MYH15: variants seen among roughly 807,000 people sequenced by gnomAD.
The protein encoded by MYH15 is myosin-15.
A neutral mutation model predicts 240.5 loss-of-function variants in MYH15; 227 were observed. That is an observed-to-expected ratio of 0.94 (90% CI 0.85 to 1.05). MYH15 has a LOEUF of 1.05. Ranked by LOEUF, MYH15 falls within the 50% of genes least tolerant of loss-of-function variation. MYH15 has a pLI of 0.00. For missense variants in MYH15, 2,217 were observed against 2,247.5 expected (o/e 0.99, Z 0.27); for synonymous variants, 785 against 796.7 (o/e 0.99, Z 0.25).
intron 31 of MYH15, 51 bp from the exon 32 acceptor site, chr3:108,408,455 A>C (rs963562480): frequency 9.8e-6 from 15 of 1,537,340 alleles, no homozygotes; most frequent in Non-Finnish European, 1.3e-5. Context: ...TCAGTCTCAA[A>C]CCAATGATAC....
intron 18 of MYH15, among the ~76,000 whole-genome samples, chr3:108,458,207 C>A (rs1453460956): frequency 1.3e-5 from 2 of 152,028 alleles, no homozygotes; most frequent in Non-Finnish European, 2.9e-5. Context: ...AGAAAAAAAC[C>A]AAACCTGCTG....
intron 36 of MYH15, among the ~76,000 whole-genome samples, chr3:108,393,830 A>T (rs560741860): frequency 6.6e-6 from 1 of 152,342 alleles, no homozygotes; most frequent in South Asian, 2.1e-4. Flanking sequence ...CCTTTTCATC[A>T]CCAGGGTATG....
At chr3:108,492,396 C>A (rs963024518) in intron 9 of MYH15, 104 bp downstream of exon 9, 2 of 703,230 alleles carry the variant, frequency 2.8e-6, no homozygotes, top group Admixed American at 2.7e-5. Context: ...ATACTGAGGT[C>A]TAAATAGGCT....
At chr3:108,478,235 C>T (rs1289036778) in intron 11 of MYH15, among the ~76,000 whole-genome samples, 1 of 152,060 alleles carries the variant, frequency 6.6e-6, no homozygotes, top group East Asian at 1.9e-4. Flanking sequence ...GTTTACAAGG[C>T]TTAAAATGTT....
intron 1 of MYH15, among the ~76,000 whole-genome samples, chr3:108,525,790 T>C (rs2083661810): frequency 6.6e-6 from 1 of 152,124 alleles, no homozygotes; most frequent in Admixed American, 6.6e-5. Context: ...ATCTGCTGTT[T>C]GGACCCGAGC....
At chr3:108,388,008 A>T (rs1283251015) in intron 38 of MYH15, among the ~76,000 whole-genome samples, 1 of 152,174 alleles carries the variant, frequency 6.6e-6, no homozygotes, top group African/African-American at 2.4e-5. Flanking sequence ...ATTGTCAAAG[A>T]AGCTGTAAAA....
intron 12 of MYH15, among the ~76,000 whole-genome samples, chr3:108,473,304 C>T (rs1285923753): frequency 6.6e-6 from 1 of 152,154 alleles, no homozygotes; most frequent in African/African-American, 2.4e-5. Context: ...CCACCGTGCC[C>T]AGCCAAAATT....
upstream of MYH15, among the ~76,000 whole-genome samples, chr3:108,530,819 C>A (rs901990432): frequency 3.3e-5 from 5 of 151,822 alleles, no homozygotes; most frequent in African/African-American, 1.2e-4. Context: ...TCAAAATGGA[C>A]CTAGAAATGA....
chr3:108,497,208 A>G (rs915772590), intron 6 of MYH15, among the ~76,000 whole-genome samples: 5 of 150,676 alleles, frequency 3.3e-5, no homozygotes, highest in African/African-American at 1.2e-4. Context: ...TACCCAAAGA[A>G]ATCAATAATC....
chr3:108,433,999 CCTTA>C (rs2082803712), intron 25 of MYH15, among the ~76,000 whole-genome samples: 1 of 151,892 alleles, frequency 6.6e-6, no homozygotes, highest in South Asian at 2.1e-4. Flanking sequence ...GTTTCATTTT[CCTTA>C]CTGTGATAGA....
chr3:108,436,659 C>A (rs2082840154), intron 25 of MYH15, among the ~76,000 whole-genome samples: 1 of 152,216 alleles, frequency 6.6e-6, no homozygotes, highest in Non-Finnish European at 1.5e-5. Context: ...CTGCCTCAGC[C>A]TCCCAAGTAG....
At chr3:108,460,128 GAACA>G (rs1401656076) in intron 17 of MYH15, among the ~76,000 whole-genome samples, 168 bp downstream of exon 17, 1 of 152,240 alleles carries the variant, frequency 6.6e-6, no homozygotes, top group Non-Finnish European at 1.5e-5. Flanking sequence ...ATGTAAGTGG[GAACA>G]AACAGTGTCC....
chr3:108,394,893 C>T (rs1560312873), intron 35 of MYH15, among the ~76,000 whole-genome samples: 1 of 152,160 alleles, frequency 6.6e-6, no homozygotes, highest in Non-Finnish European at 1.5e-5. Context: ...TTTTATTTCT[C>T]CTTTCACTTT....
intron 12 of MYH15, among the ~76,000 whole-genome samples, chr3:108,471,832 C>T (rs1486583049): frequency 6.6e-6 from 1 of 152,126 alleles, no homozygotes; most frequent in African/African-American, 2.4e-5. Context: ...ATACTATGCA[C>T]AATAGTTTGA....
chr3:108,436,505 TC>T (rs1319071629), intron 25 of MYH15, among the ~76,000 whole-genome samples: 1 of 152,188 alleles, frequency 6.6e-6, no homozygotes, highest in Non-Finnish European at 1.5e-5. Flanking sequence ...CTTCCCTCTT[TC>T]ACTGTGGGCC....
At chr3:108,533,735 G>C (rs1159563729), upstream of MYH15, among the ~76,000 whole-genome samples, 1 of 152,174 alleles carries the variant, frequency 6.6e-6, no homozygotes, top group African/African-American at 2.4e-5. Flanking sequence ...TCATAGGTCA[G>C]GAATCCATTT....
At chr3:108,473,328 A>C (rs1411285771) in intron 12 of MYH15, among the ~76,000 whole-genome samples, 2 of 152,140 alleles carry the variant, frequency 1.3e-5, no homozygotes, top group Admixed American at 1.3e-4. Context: ...AACTATGTTG[A>C]TCCCTCTCTT....
At chr3:108,412,215 C>A (rs1373584552) in intron 30 of MYH15, among the ~76,000 whole-genome samples, 2 of 152,282 alleles carry the variant, frequency 1.3e-5, no homozygotes, top group Middle Eastern at 3.4e-3. Flanking sequence ...ATGGGAGGGA[C>A]TAGTGGGAGG....
At chr3:108,414,124 G>A (rs968041156) in intron 30 of MYH15, 108 bp downstream of exon 30, 17 of 1,205,528 alleles carry the variant, frequency 1.4e-5, no homozygotes, top group Non-Finnish European at 1.7e-5. Context: ...TCCTGCACTC[G>A]GCAAGGATTT....
Sources: gnomAD v4.1 joint callset for allele counts (sites outside exome capture counted in the v4.1 genomes callset) on GRCh38, gnomAD v4.1.1 for gene constraint, MANE v1.5 for transcripts, NCBI Gene and HGNC (gene_info 2026-07-23, HGNC 2026-07-21) for gene names.